F3: variants seen among roughly 807,000 people sequenced by gnomAD.
F3 encodes the protein coagulation factor III, tissue factor.
In F3, 18 loss-of-function variants were observed where a neutral mutation model predicts 33.5. The ratio of observed to expected loss-of-function variants is 0.54; its 90% CI spans 0.37 to 0.80. The LOEUF is 0.80. Among genes scored for constraint, F3 ranks in the 30% least tolerant of loss-of-function variants. The pLI is 0.00. For synonymous variants in F3, 147 were observed against 140.7 expected, an observed-to-expected ratio of 1.05 and a Z score of -0.32; for missense variants, 353 against 362.1, an observed-to-expected ratio of 0.97 and a Z score of 0.20.
chr1:94,532,413 C>G lies in F3; in HGVS notation c.659G>C (p.Ser220Thr). The G allele has an allele frequency of 6.2e-7, 1 of 1,614,172 alleles. No homozygotes were observed. The highest frequency in any genetic ancestry group is 1.1e-5 in the South Asian group (1 of 91,080). ...DVDKGENYCF[S>T]VQAVIPSRTV... ...TCGGGAGGGAATCACTGCTTGAACA[C>G]TGAAACAGTAGTTTTCTCCTTTATC... Residue 220 changes from serine to threonine, a missense_variant, in exon 5 of 6, where the codon AGT (serine) becomes ACT (threonine). Coordinates refer to ENST00000334047, the MANE Select transcript of F3 (RefSeq NM_001993.5).
intron 2 of F3, among the ~76,000 whole-genome samples, chr1:94,537,448 A>G (rs1261753147): frequency 6.6e-6 from 1 of 152,174 alleles, no homozygotes; most frequent in Non-Finnish European, 1.5e-5. Context: ...GTCCCCCAGC[A>G]TGAGTTTCTC....
chr1:94,536,009 TC>T lies in F3; in HGVS notation c.367del (p.Glu123SerfsTer33). On this transcript the variant is annotated frameshift_variant, in exon 3 of 6. Transcript: ENST00000334047. LOFTEE classifies it high-confidence loss of function. ...GNVESTGSAG[E>X]PLYENSPEFT... ...CTCTGGGGAGTTCTCATACAGAGGC[TC>T]CCCAGCAGAACCGGTGCTCTCCACA... The T allele has an allele frequency of 6.2e-7, 1 of 1,614,032 alleles. No individual in the cohort carries two copies. The highest frequency in any genetic ancestry group is 1.1e-5 in the South Asian group (1 of 91,062).
Position 94,541,612 on chromosome 1 carries a change from C to T in F3, c.25G>A (p.Val9Ile). 6.9e-7 allele frequency: 1 copy of T among 1,455,424 alleles called. No homozygotes were observed. Among genetic ancestry groups the T allele is most frequent in the Non-Finnish European group, 9.1e-7 (1 of 1,103,052 alleles). The allele number at this position is 1,455,424 out of a possible 1,614,324, so 90.2% of individuals were successfully genotyped here. ...GCGACGGCGGTCTCGGGGCGCGGGACCCGGGGCCAGGCAGGGGTCTCCATG... is the reference window on the plus strand; with the variant it reads ...GCGACGGCGGTCTCGGGGCGCGGGATCCGGGGCCAGGCAGGGGTCTCCATG... Reference protein sequence around the residue: METPAWPRVPRPETAVART... With the variant: METPAWPRIPRPETAVART... The change falls in exon 1 of 6, where the codon GTC becomes ATC. Residue 9 changes from valine (V) to isoleucine (I), a missense_variant. Transcript: ENST00000334047.
In F3 at chr1:94,540,237, T is replaced by G; in HGVS notation, c.212+20A>C. On this transcript the variant is annotated intron_variant, in intron 2 of 5. Transcript: ENST00000334047. ...AGAAACATCAAAGACCTTAATTTTC[T>G]TTTTCTGTACCCAGCTTACCTTATT... The G allele has an allele frequency of 6.5e-7, 1 of 1,527,626 alleles. No individual in the cohort carries two copies. Among genetic ancestry groups the G allele is most frequent in the Non-Finnish European group, 9.1e-7 (1 of 1,102,388 alleles). The allele number at this position is 1,527,626 out of a possible 1,614,324, so 94.6% of individuals were successfully genotyped here. A position where few individuals can be genotyped will look rare whatever the true frequency, so the allele number is the denominator to read the frequency against.
In F3 at chr1:94,530,555, T is replaced by C. The variant is rs756710120; in HGVS notation, c.793A>G (p.Ile265Val). 10 of 1,614,006 alleles carry C rather than the reference T, an allele frequency of 6.2e-6. No homozygotes were observed. The highest frequency in any genetic ancestry group is 2.7e-5 in the African/African-American group (2 of 74,906). Reference sequence around the variant, plus strand: ...GATATAGCCAGGATGATGACAAGGATGATGACCACAAATACCACAGCTCCA... The same window carrying C: ...GATATAGCCAGGATGATGACAAGGACGATGACCACAAATACCACAGCTCCA... ...IIGAVVFVVI[I>V]LVIILAISLH... is the part of the protein sequence containing the mutation. The change falls in exon 6 of 6, where the codon ATC becomes GTC. Residue 265 changes from isoleucine to valine, a missense_variant. Coordinates refer to ENST00000334047, the MANE Select transcript of F3 (RefSeq NM_001993.5).
rs187119941 is a variant in F3, at chr1:94,533,206, C to T, written c.475G>A (p.Val159Ile). ...CTGACTAAAGTCCGTTCATCTTCTA[C>T]GGTCACATTCACTTTTGTTCCCACC... ...EQVGTKVNVT[V>I]EDERTLVRRN... The change falls in exon 4 of 6, where the codon GTA (valine) becomes ATA (isoleucine). Residue 159 changes from valine to isoleucine, a missense_variant. Transcript: ENST00000334047. 24 of 1,613,792 alleles carry T rather than the reference C, an allele frequency of 1.5e-5. No individual in the cohort carries two copies. The highest frequency in any genetic ancestry group is 5.5e-5 in the South Asian group (5 of 90,900).
chr1:94,536,249 T>C lies in F3; in HGVS notation c.213-85A>G, dbSNP rs1204429754. The C allele has an allele frequency of 4.0e-6, 5 of 1,236,580 alleles. No individual in the cohort carries two copies. In the African/African-American group the frequency reaches 5.9e-5, roughly 15 times the overall value. The allele number at this position is 1,236,580 out of a possible 1,614,324, so 76.6% of individuals were successfully genotyped here. On this transcript the variant is annotated intron_variant, in intron 2 of 5. Coordinates refer to ENST00000334047, the MANE Select transcript of F3 (RefSeq NM_001993.5). ...ATAGACTGCTTCCTGGCTGTGGTGT[T>C]CTGTGCTAACATCAGGAGCCCTACA... is the stretch of plus-strand genomic sequence containing the variant.
intron 2 of F3, among the ~76,000 whole-genome samples, chr1:94,536,654 A>G: frequency 6.6e-6 from 1 of 152,192 alleles, no homozygotes; most frequent in African/African-American, 2.4e-5. Context: ...GCTCTCTGTC[A>G]GGGTAACAGG....
Position 94,533,213 on chromosome 1 carries a change from A to G in F3, c.468T>C (p.Asn156=), listed in dbSNP as rs774903028. Residue 156 remains asparagine (N), a synonymous_variant, in exon 4 of 6, where the codon AAT becomes AAC. Coordinates refer to ENST00000334047, the MANE Select transcript of F3 (RefSeq NM_001993.5). Reference sequence around the variant, plus strand: ...AAGTCCGTTCATCTTCTACGGTCACATTCACTTTTGTTCCCACCTGTTCAA... The same window carrying G: ...AAGTCCGTTCATCTTCTACGGTCACGTTCACTTTTGTTCCCACCTGTTCAA... The part of the protein sequence containing the change: ...QSFEQVGTKV[N]VTVEDERTLV... The G allele has an allele frequency of 1.9e-6, 3 of 1,613,840 alleles. No individual in the cohort carries two copies. The highest frequency in any genetic ancestry group is 1.6e-4 in the Middle Eastern group (1 of 6,062).
intron 4 of F3, 52 bp from the exon 5 acceptor site, chr1:94,532,532 C>T (rs1357094507): frequency 1.3e-6 from 2 of 1,591,066 alleles, no homozygotes; most frequent in Non-Finnish European, 1.7e-6. Flanking sequence ...CAATTCTTTC[C>T]CCTTTATTAA....
chr1:94,540,441 C>CGAGA, intron 1 of F3, 73 bp from the exon 2 acceptor site: 1 of 922,530 alleles, frequency 1.1e-6, no homozygotes, highest in Non-Finnish European at 1.7e-6. Flanking sequence ...TATAAAACAC[C>CGAGA]TTCCCACCTG....
Position 94,529,263 on chromosome 1 carries a change from C to A in F3, c.*1197G>T, listed in dbSNP as rs978105616. 1.3e-5 allele frequency: 2 copies of A among 152,662 alleles called. No homozygotes were observed. Among genetic ancestry groups the A allele is most frequent in the Non-Finnish European group, 2.9e-5 (2 of 68,024 alleles). 9.5% of individuals were successfully genotyped at this position (152,662 alleles called of 1,614,324 possible). A position where few individuals can be genotyped will look rare whatever the true frequency, so the allele number is the denominator to read the frequency against. Reference sequence around the variant, plus strand: ...GTCATTTACTGTAGTAGAGCTAATACAAACACCAAATTGTACATAAATAAT... The same window carrying A: ...GTCATTTACTGTAGTAGAGCTAATAAAAACACCAAATTGTACATAAATAAT... On this transcript the variant is annotated 3_prime_UTR_variant, in exon 6 of 6. Transcript: ENST00000334047.
In F3 at chr1:94,535,953, C is replaced by G; in HGVS notation, c.412+12G>C. 6.2e-7 allele frequency: 1 copy of G among 1,613,700 alleles called. No homozygotes were observed. The highest frequency in any genetic ancestry group is 8.5e-7 in the Non-Finnish European group (1 of 1,179,612). On this transcript the variant is annotated intron_variant, in intron 3 of 5. Coordinates refer to ENST00000334047, the MANE Select transcript of F3 (RefSeq NM_001993.5). Reference sequence around the variant, plus strand: ...AACAAGAATGAACGGTATTACAGCCCAAGCCACTTACTCTCCAGGTAAGGT... The same window carrying G: ...AACAAGAATGAACGGTATTACAGCCGAAGCCACTTACTCTCCAGGTAAGGT...
intron 2 of F3, among the ~76,000 whole-genome samples, chr1:94,539,058 A>C (rs1226699231): frequency 6.6e-6 from 1 of 152,208 alleles, no homozygotes. Context: ...TATATTTAGG[A>C]GGTAAGCATT....
At position 94,541,731 on chromosome 1, in the gene F3, G is replaced by A. The variant is rs1159381622; in HGVS notation, c.-95C>T. 1.5e-6 allele frequency: 1 copy of A among 684,192 alleles called. No homozygotes were observed. Among genetic ancestry groups the A allele is most frequent in the African/African-American group, 1.9e-5 (1 of 53,742 alleles). The allele number at this position is 684,192 out of a possible 1,614,324, so 42.4% of individuals were successfully genotyped here. A position where few individuals can be genotyped will look rare whatever the true frequency, so the allele number is the denominator to read the frequency against. On this transcript the variant is annotated 5_prime_UTR_variant, in exon 1 of 6. Transcript: ENST00000334047. ...GCGCCCTGGGCCGGCCAGAGGGAGT[G>A]CGAGGGGGTGCGGGGAGCTCGCAGT...
chr1:94,540,502 G>A (rs1651739971), intron 1 of F3, 134 bp from the exon 2 acceptor site: 2 of 561,632 alleles, frequency 3.6e-6, no homozygotes, highest in Admixed American at 7.1e-5. Flanking sequence ...AGCTTCATTA[G>A]TGAATTATCA....
intron 2 of F3, among the ~76,000 whole-genome samples, chr1:94,539,682 C>G (rs1651715535): frequency 6.6e-6 from 1 of 152,176 alleles, no homozygotes. Context: ...GAAGCAGAGC[C>G]ACACCAGACC....
rs150439244 is a variant in F3 at position 94,539,861 on chromosome 1, C to T, written c.212+396G>A. Among the ~76,000 whole-genome samples, 25 of 152,322 alleles carry T rather than the reference C, an allele frequency of 1.6e-4. No individual in the cohort carries two copies. In the East Asian group the frequency reaches 3.7e-3, roughly 22 times the overall value. On this transcript the variant is annotated intron_variant, in intron 2 of 5. Coordinates refer to ENST00000334047, the MANE Select transcript of F3 (RefSeq NM_001993.5). ...ATGTATACATTGGGATTCCTCCCCA[C>T]CTCTTCCCTAAGGTGTTAGACATTG...
At chr1:94,538,702 TTCC>T (rs1389219945) in intron 2 of F3, among the ~76,000 whole-genome samples, 1 of 152,170 alleles carries the variant, frequency 6.6e-6, no homozygotes, top group African/African-American at 2.4e-5. Context: ...GAGCAACAGT[TTCC>T]TCAACTGTAA....
Sources: gnomAD v4.1 joint callset for allele counts (sites outside exome capture counted in the v4.1 genomes callset) on GRCh38, gnomAD v4.1.1 for gene constraint, MANE v1.5 for transcripts, NCBI Gene and HGNC (gene_info 2026-07-23, HGNC 2026-07-21) for gene names.